Variants in THSD4 observed in about 807,000 individuals in gnomAD.
THSD4 encodes thrombospondin type 1 domain containing 4, also known as thrombospondin type-1 domain-containing protein 4.
THSD4 carries 69 observed loss-of-function variants against 119.0 expected under a neutral mutation model. The ratio of observed to expected loss-of-function variants is 0.58; its 90% CI spans 0.48 to 0.71. The LOEUF is 0.71. Ranked by LOEUF, THSD4 falls within the 30% of genes least tolerant of loss-of-function variation. The pLI, the probability that THSD4 is intolerant of heterozygous loss-of-function variation, is 0.00. For missense variants in THSD4, 1,393 were observed against 1,391.1 expected (o/e 1.00, Z -0.02); for synonymous variants, 524 against 540.4 (o/e 0.97, Z 0.42).
chr15:71,350,052 A>G (rs775223300), intron 6 of THSD4, among the ~76,000 whole-genome samples: 3 of 151,218 alleles, frequency 2.0e-5, no homozygotes, highest in Non-Finnish European at 4.4e-5. Flanking sequence ...CTCCATCTAT[A>G]TTTTATTCTA....
chr15:71,684,460 A>AAT (rs1349955419), intron 8 of THSD4, among the ~76,000 whole-genome samples: 1 of 152,062 alleles, frequency 6.6e-6, no homozygotes, highest in East Asian at 1.9e-4. Context: ...ATTTTAATTG[A>AAT]ATATATGATT....
At chr15:71,150,129 T>C (rs1463361151) in intron 2 of THSD4, among the ~76,000 whole-genome samples, 2 of 152,164 alleles carry the variant, frequency 1.3e-5, no homozygotes, top group Admixed American at 6.5e-5. Flanking sequence ...CCTGGTAGCC[T>C]TCAATCTGTC....
intron 4 of THSD4, 22 bp from the exon 5 acceptor site, chr15:71,242,627 T>G (rs528181843): frequency 1.2e-6 from 2 of 1,605,654 alleles, no homozygotes; most frequent in South Asian, 2.2e-5. Flanking sequence ...GATCATCTCC[T>G]CTCTTGTCTA....
chr15:71,584,157 A>G (rs1307794493), intron 7 of THSD4, among the ~76,000 whole-genome samples: 1 of 142,478 alleles, frequency 7.0e-6, no homozygotes, highest in Non-Finnish European at 1.5e-5. Flanking sequence ...TCATATAATG[A>G]TTTTCTTTGT....
chr15:71,392,920 G>C (rs2046395554), intron 6 of THSD4, among the ~76,000 whole-genome samples: 1 of 152,194 alleles, frequency 6.6e-6, no homozygotes, highest in South Asian at 2.1e-4. Context: ...GCCACACTTT[G>C]TGTGGCCACG....
intron 6 of THSD4, among the ~76,000 whole-genome samples, chr15:71,347,350 C>T (rs2045678398): frequency 6.6e-6 from 1 of 152,178 alleles, no homozygotes; most frequent in East Asian, 1.9e-4. Flanking sequence ...TGTCACCCTC[C>T]CTCATATGTG....
At chr15:71,701,942 A>G (rs1391548569) in intron 8 of THSD4, among the ~76,000 whole-genome samples, 3 of 152,340 alleles carry the variant, frequency 2.0e-5, no homozygotes, top group South Asian at 2.1e-4. Context: ...GATGAAAAAC[A>G]TATGGAAAAT....
intron 6 of THSD4, among the ~76,000 whole-genome samples, chr15:71,324,769 A>G (rs763005253): frequency 1.3e-5 from 2 of 152,206 alleles, no homozygotes; most frequent in Non-Finnish European, 2.9e-5. Flanking sequence ...GCAATAAAAC[A>G]TACATGTGCA....
chr15:71,175,799 C>A (rs2043442417), intron 3 of THSD4, among the ~76,000 whole-genome samples: 1 of 18,588 alleles, frequency 5.4e-5, no homozygotes, highest in Non-Finnish European at 1.2e-4. Context: ...TCGGCAGAAA[C>A]CCTACAAGCC....
At chr15:71,429,831 A>AG (rs2046918861) in intron 7 of THSD4, among the ~76,000 whole-genome samples, 2 of 152,240 alleles carry the variant, frequency 1.3e-5, no homozygotes, top group African/African-American at 2.4e-5. Context: ...CAACCCAACT[A>AG]AACAGTAGTT....
intron 7 of THSD4, among the ~76,000 whole-genome samples, chr15:71,530,252 G>A (rs2048588204): frequency 6.6e-6 from 1 of 152,172 alleles, no homozygotes; most frequent in Non-Finnish European, 1.5e-5. Context: ...CAGCTCAGGG[G>A]CCAGCACACT....
intron 8 of THSD4, among the ~76,000 whole-genome samples, chr15:71,684,254 A>G (rs1320251955): frequency 3.3e-5 from 5 of 152,158 alleles, no homozygotes; most frequent in Non-Finnish European, 7.3e-5. Context: ...GCGCTTTTAT[A>G]AATTCTGAGT....
chr15:71,594,321 G>A (rs989434148), intron 7 of THSD4, among the ~76,000 whole-genome samples: 6 of 151,602 alleles, frequency 4.0e-5, no homozygotes, highest in African/African-American at 1.5e-4. Flanking sequence ...CTATTCTCCT[G>A]CCTCAGCTTC....
chr15:71,277,972 T>A (rs1438330424), intron 6 of THSD4, among the ~76,000 whole-genome samples: 1 of 152,240 alleles, frequency 6.6e-6, no homozygotes. Flanking sequence ...GTGCTTAGTT[T>A]TTAATCTATA....
rs576363619 is a variant in THSD4 at position 71,728,452 on chromosome 15, C to A, written c.1358-97C>A. On this transcript the variant is annotated intron_variant, in intron 8 of 17. Coordinates refer to ENST00000261862, the MANE Select transcript of THSD4 (RefSeq NM_024817.3). ...GGCACATAGTGGATCCTGTCAAAAACCTTGATGAATGAAGAAGCCAGAAAC... is the reference window on the plus strand; with the variant it reads ...GGCACATAGTGGATCCTGTCAAAAAACTTGATGAATGAAGAAGCCAGAAAC... 7 of 1,451,642 alleles carry A rather than the reference C, an allele frequency of 4.8e-6. No individual in the cohort carries two copies. The African/African-American group carries it at 8.4e-5, about 17-fold the overall frequency. 89.9% of individuals were successfully genotyped at this position (1,451,642 alleles called of 1,614,324 possible).
At chr15:71,610,928 T>G (rs2050212361) in intron 7 of THSD4, among the ~76,000 whole-genome samples, 1 of 152,108 alleles carries the variant, frequency 6.6e-6, no homozygotes, top group Admixed American at 6.6e-5. Flanking sequence ...TACATGCATA[T>G]TTATATGTGT....
intron 10 of THSD4, chr15:71,731,576 C>T (rs2052981359): frequency 4.2e-6 from 1 of 240,120 alleles, no homozygotes; most frequent in South Asian, 6.5e-5. Flanking sequence ...CCCAGAGGTT[C>T]AAGACCAGCC....
chr15:71,559,053 C>T lies in THSD4; in HGVS notation c.1153-101477C>T, dbSNP rs139119012. On this transcript the variant is annotated intron_variant, in intron 7 of 17. Coordinates refer to ENST00000261862, the MANE Select transcript of THSD4 (RefSeq NM_024817.3). ...TGATGAACATTCTTGATAATTGGTT[C>T]GGAGACTTTTATATTTCTATTAAAT... Among the ~76,000 whole-genome samples the T allele has an allele frequency of 2.6e-5, 4 of 152,162 alleles. No individual in the cohort carries two copies. The East Asian group carries it at 5.8e-4, about 22-fold the overall frequency.
intron 8 of THSD4, among the ~76,000 whole-genome samples, chr15:71,717,365 G>A (rs1391487790): frequency 2.0e-5 from 3 of 152,148 alleles, no homozygotes; most frequent in Non-Finnish European, 4.4e-5. Context: ...AAAGCAAAGG[G>A]AAAACCCAGT....
Sources: allele counts gnomAD v4.1 joint callset (sites outside exome capture counted in the v4.1 genomes callset), GRCh38; gene constraint gnomAD v4.1.1; transcripts MANE v1.5; gene names NCBI Gene and HGNC (gene_info 2026-07-23, HGNC 2026-07-21).